The following ELMO3 variants were observed in gnomAD, a reference collection of about 807,000 sequenced individuals.
The protein encoded by ELMO3 is engulfment and cell motility 3, also known as engulfment and cell motility protein 3.
In ELMO3, 81 loss-of-function variants were observed where a neutral mutation model predicts 89.0. That is an observed-to-expected ratio of 0.91 (90% CI 0.76 to 1.09). ELMO3 has a LOEUF of 1.09. ELMO3 is among the 50% of genes least tolerant of loss of function. ELMO3 has a pLI of 0.00. For missense variants in ELMO3, 959 were observed against 972.8 expected (o/e 0.99, Z 0.19); for synonymous variants, 406 against 400.6 (o/e 1.01, Z -0.16).
At chr16:67,199,621 G>C in intron 2 of ELMO3, 28 bp downstream of exon 2, 1 of 1,608,132 alleles carries the variant, frequency 6.2e-7, no homozygotes, top group East Asian at 2.2e-5. Flanking sequence ...AGGGCCTGCG[G>C]AGGGCGGGAG....
In ELMO3 at chr16:67,203,982, T is replaced by TA; in HGVS notation, c.*108dup. The TA allele has an allele frequency of 9.4e-7, 1 of 1,063,528 alleles. No individual in the cohort carries two copies. The highest frequency in any genetic ancestry group is 1.3e-6 in the Non-Finnish European group (1 of 757,258). The allele number at this position is 1,063,528 out of a possible 1,614,324, so 65.9% of individuals were successfully genotyped here. On this transcript the variant is annotated 3_prime_UTR_variant, in exon 20 of 20. Coordinates refer to ENST00000393997, the MANE Select transcript of ELMO3 (RefSeq NM_024712.5). This position sits in a 1 kb window ranked among gnomAD's most constrained non-coding sequence, Gnocchi z 4.6. ...TGACCAGCAGAGATTGCTGCAGAAA[T>TA]AAAGTCTGCTTGGCTCTTGGGATAT...
In ELMO3 at chr16:67,200,431, C is replaced by T; in HGVS notation, c.414-20C>T. 6.2e-7 allele frequency: 1 copy of T among 1,611,622 alleles called. No homozygotes were observed. Among genetic ancestry groups the T allele is most frequent in the East Asian group, 2.2e-5 (1 of 44,796 alleles). On this transcript the variant is annotated intron_variant, in intron 5 of 19. Coordinates refer to ENST00000393997, the MANE Select transcript of ELMO3 (RefSeq NM_024712.5). ...TGGTCCTGGGGTGGTCCTGCTCAGC[C>T]CCAGATGTCCCCCCTCCAGCCTAGG...
In ELMO3 at chr16:67,200,680, C is replaced by A; in HGVS notation, c.537C>A (p.Asn179Lys). The change falls in exon 7 of 20, where the codon AAC becomes AAA. Residue 179 changes from asparagine to lysine, a missense_variant. Physicochemically the swap from Asn to Lys is moderately conservative, Grantham distance 94 (BLOSUM62 0). Transcript: ENST00000393997. Reference protein sequence around the residue: ...VRKVVCYVNMNLMDASVPPLA... With the variant: ...VRKVVCYVNMKLMDASVPPLA... ...AGGTGGTGTGCTACGTGAACATGAA[C>A]CTCATGGATGCCTCCGTGCCTCCCC... The A allele has an allele frequency of 6.2e-7, 1 of 1,613,326 alleles. No homozygotes were observed. The highest frequency in any genetic ancestry group is 8.5e-7 in the Non-Finnish European group (1 of 1,179,914).
At chr16:67,201,327 G>A in intron 8 of ELMO3, 58 bp from the exon 9 acceptor site, 2 of 1,609,420 alleles carry the variant, frequency 1.2e-6, no homozygotes, top group African/African-American at 1.3e-5. Context: ...AAAGTGCTGG[G>A]ATTACAGGCG....
chr16:67,200,215 G>C lies in ELMO3; in HGVS notation c.267G>C (p.Leu89Phe). 6.2e-7 allele frequency: 1 copy of C among 1,613,278 alleles called. No homozygotes were observed. The highest frequency in any genetic ancestry group is 8.5e-7 in the Non-Finnish European group (1 of 1,179,714). The change falls in exon 5 of 20, where the codon TTG (leucine) becomes TTC (phenylalanine). Residue 89 changes from leucine to phenylalanine, a missense_variant. Leu to Phe is a conservative substitution (Grantham distance 22, BLOSUM62 0). Coordinates refer to ENST00000393997, the MANE Select transcript of ELMO3 (RefSeq NM_024712.5). ...AGGACCTTGAGGCTGAGCAGCTCTTGGGTGGGCTGCAGAGTAACAGTCCTG... is the reference window on the plus strand; with the variant it reads ...AGGACCTTGAGGCTGAGCAGCTCTTCGGTGGGCTGCAGAGTAACAGTCCTG... ...TAPDLEAEQL[L>F]GGLQSNSPEG...
At position 67,200,807 on chromosome 16, in the gene ELMO3, G is replaced by A. The variant is rs1337934484; in HGVS notation, c.664G>A (p.Val222Met). 3 of 1,613,044 alleles carry A rather than the reference G, an allele frequency of 1.9e-6. No homozygotes were observed. Among genetic ancestry groups the A allele is most frequent in the Non-Finnish European group, 2.5e-6 (3 of 1,179,726 alleles). ...PLDRLLVHLQVMNQQLQTKAM... is the reference protein window; with the variant it reads ...PLDRLLVHLQMMNQQLQTKAM... ...GGATAGGCTGCTGGTGCACCTACAG[G>A]TGTAAGCCTCTGGGGCTGGGGTCCA... Residue 222 changes from valine to methionine, a missense_variant and splice_region_variant, in exon 7 of 20, where the codon GTG (valine) becomes ATG (methionine). Val to Met is a conservative substitution (Grantham distance 21, BLOSUM62 1). Transcript: ENST00000393997.
rs780987799 is a variant in ELMO3, at chr16:67,203,399, A to G, written c.1853A>G (p.Lys618Arg). 6.2e-7 allele frequency: 1 copy of G among 1,612,384 alleles called. No individual in the cohort carries two copies. Among genetic ancestry groups the G allele is most frequent in the Non-Finnish European group, 8.5e-7 (1 of 1,179,560 alleles). ...CATGTCCGGGAGAAGGGCTCCGGGA[A>G]GCAGAACAAGGTGAGTACAGCGGGC... The part of the protein sequence containing the change: ...CPHVREKGSG[K>R]QNKDLYELAF... The change falls in exon 18 of 20, where the codon AAG becomes AGG. Residue 618 changes from lysine (K) to arginine (R), a missense_variant. Physicochemically the swap from Lys to Arg is conservative, Grantham distance 26. Transcript: ENST00000393997. The surrounding 1 kb of genome is among the most constrained non-coding windows in gnomAD (Gnocchi z 4.6).
At position 67,200,951 on chromosome 16, in the gene ELMO3, A is replaced by G. The variant is rs1255571864; in HGVS notation, c.727A>G (p.Ser243Gly). ...GCTGACAGCCTTGCTGCAGGGGGCC[A>G]GCCCTGTGGAACGCAAGGTGAGTGT... ...ALLTALLQGA[S>G]PVERKHMLDY... is the part of the protein sequence containing the mutation. Residue 243 changes from serine (S) to glycine (G), a missense_variant, in exon 8 of 20, where the codon AGC becomes GGC. Ser to Gly is a moderately conservative substitution (Grantham distance 56). Coordinates refer to ENST00000393997, the MANE Select transcript of ELMO3 (RefSeq NM_024712.5). 1.2e-6 allele frequency: 2 copies of G among 1,607,722 alleles called. No individual in the cohort carries two copies. The highest frequency in any genetic ancestry group is 1.7e-6 in the Non-Finnish European group (2 of 1,178,344).
intron 12 of ELMO3, 33 bp downstream of exon 12, chr16:67,202,111 C>A (rs760503320): frequency 6.2e-7 from 1 of 1,610,278 alleles, no homozygotes; most frequent in Non-Finnish European, 8.5e-7. Context: ...GGGGTGGCAG[C>A]ATCCCCCAGG....
In ELMO3 at chr16:67,200,939, C is replaced by A. The variant is rs957078837; in HGVS notation, c.715C>A (p.Leu239Met). 1.7e-5 allele frequency: 27 copies of A among 1,612,220 alleles called. No individual in the cohort carries two copies. Among genetic ancestry groups the A allele is most frequent in the Non-Finnish European group, 2.2e-5 (26 of 1,179,486 alleles). Residue 239 changes from leucine (L) to methionine (M), a missense_variant, in exon 8 of 20, where the codon CTG (leucine) becomes ATG (methionine). Leu to Met is a conservative substitution (Grantham distance 15). Transcript: ENST00000393997. ...TKAMALLTALLQGASPVERKH... is the reference protein window; with the variant it reads ...TKAMALLTALMQGASPVERKH... ...GGCCATGGCCCTGCTGACAGCCTTG[C>A]TGCAGGGGGCCAGCCCTGTGGAACG... is the stretch of plus-strand genomic sequence containing the variant.
rs2033185889 is a variant in ELMO3 at position 67,203,825 on chromosome 16, C to T, written c.2111C>T (p.Pro704Leu). 6.2e-7 allele frequency: 1 copy of T among 1,605,416 alleles called. No homozygotes were observed. Among genetic ancestry groups the T allele is most frequent in the Non-Finnish European group, 8.5e-7 (1 of 1,175,716 alleles). ...CCCGAGCGGCCACCCCCTGTGCCCCCACCCCCCACCAACTTCAACTTCTGC... is the reference window on the plus strand; with the variant it reads ...CCCGAGCGGCCACCCCCTGTGCCCCTACCCCCCACCAACTTCAACTTCTGC... ...PIPERPPPVP[P>L]PPTNFNFCYD... The change falls in exon 20 of 20, where the codon CCA (proline) becomes CTA (leucine). Residue 704 changes from proline to leucine, a missense_variant. Coordinates refer to ENST00000393997, the MANE Select transcript of ELMO3 (RefSeq NM_024712.5). This position sits in a 1 kb window ranked among gnomAD's most constrained non-coding sequence, Gnocchi z 4.6.
chr16:67,202,654 G>C lies in ELMO3; in HGVS notation c.1426G>C (p.Ala476Pro). 6.2e-7 allele frequency: 1 copy of C among 1,613,594 alleles called. No homozygotes were observed. Among genetic ancestry groups the C allele is most frequent in the Non-Finnish European group, 8.5e-7 (1 of 1,179,978 alleles). ...CATGCAGGTGGTGCGGGAGCAGCTG[G>C]CCCGCACTCTGGCCCTGAAGCCCAC... is the stretch of plus-strand genomic sequence containing the variant. ...KVMQVVREQL[A>P]RTLALKPTSL... The change falls in exon 15 of 20, where the codon GCC (alanine) becomes CCC (proline). Residue 476 changes from alanine to proline, a missense_variant. By Grantham distance (27) the Ala-to-Pro change is conservative. Transcript: ENST00000393997.
Position 67,199,735 on chromosome 16 carries a change from C to T in ELMO3, c.171C>T (p.His57=). 1 of 1,611,366 alleles carries T rather than the reference C, an allele frequency of 6.2e-7. No homozygotes were observed. Among genetic ancestry groups the T allele is most frequent in the South Asian group, 1.1e-5 (1 of 90,938 alleles). Residue 57 remains histidine (H), a synonymous_variant, in exon 3 of 20, where the codon CAC becomes CAT. Transcript: ENST00000393997. ...ACGCCCTGCAGTTTGCGGATGGGCA[C>T]CGGAGATACATCACCGAGAATGTGA... ...ERYALQFADG[H]RRYITENNRA...
Position 67,199,719 on chromosome 16 carries a change from A to G in ELMO3, c.155A>G (p.Gln52Arg), listed in dbSNP as rs1232965200. Residue 52 changes from glutamine to arginine, a missense_variant, in exon 3 of 20, where the codon CAG becomes CGG. Gln to Arg is a conservative substitution (Grantham distance 43). Coordinates refer to ENST00000393997, the MANE Select transcript of ELMO3 (RefSeq NM_024712.5). ...ACGCACTCTGAGCGTTACGCCCTGC[A>G]GTTTGCGGATGGGCACCGGAGATAC... ...SLTHSERYAL[Q>R]FADGHRRYIT... is the part of the protein sequence containing the mutation. The G allele has an allele frequency of 2.5e-6, 4 of 1,610,992 alleles. No homozygotes were observed. In the African/African-American group the frequency reaches 5.3e-5, roughly 22 times the overall value.
In ELMO3 at chr16:67,201,555, G is replaced by A. The variant is rs151223840; in HGVS notation, c.831G>A (p.Glu277=). The A allele has an allele frequency of 1.2e-3, 1,929 of 1,614,090 alleles. 28 individuals are homozygous for A. In the African/African-American group the frequency reaches 0.022, roughly 19 times the overall value. ...ACAGTGCAGCACCAATGGGCGACGAGATGGCTCATCACCTGTACGTACTGC... is the reference window on the plus strand; with the variant it reads ...ACAGTGCAGCACCAATGGGCGACGAAATGGCTCATCACCTGTACGTACTGC... The part of the protein sequence containing the change: ...IIHSAAPMGD[E]MAHHLYVLQA... The change falls in exon 10 of 20, where the codon GAG becomes GAA. Residue 277 remains glutamate (E), a synonymous_variant. Coordinates refer to ENST00000393997, the MANE Select transcript of ELMO3 (RefSeq NM_024712.5).
At chr16:67,200,389 G>GA (rs778745882) in intron 5 of ELMO3, 28 bp downstream of exon 5, 27 of 1,612,184 alleles carry the variant, frequency 1.7e-5, no homozygotes, top group Non-Finnish European at 1.7e-6. Context: ...TGGGCTGGGG[G>GA]AGATGGTGGG....
chr16:67,199,848 A>AG lies in ELMO3; in HGVS notation c.192+93dup, dbSNP rs2033057230. 6 of 1,604,676 alleles carry AG rather than the reference A, an allele frequency of 3.7e-6. No individual in the cohort carries two copies. The East Asian group carries it at 1.3e-4, about 36-fold the overall frequency. ...CTCTGGCTCTTCATCCCACTACCGG[A>AG]GCGCGATCTGTTATTCACCCCCAGC... On this transcript the variant is annotated intron_variant, in intron 3 of 19. Coordinates refer to ENST00000393997, the MANE Select transcript of ELMO3 (RefSeq NM_024712.5).
rs1199588945 is a variant in ELMO3 at position 67,200,735 on chromosome 16, T to C, written c.592T>C (p.Leu198=). 1.2e-6 allele frequency: 2 copies of C among 1,613,462 alleles called. No individual in the cohort carries two copies. Among genetic ancestry groups the C allele is most frequent in the Non-Finnish European group, 1.7e-6 (2 of 1,179,994 alleles). ...LALGLLESVT[L]SSPALGQLVK... ...CCTTGGGCTGCTGGAGAGTGTGACC[T>C]TGAGCAGCCCAGCCCTGGGCCAGCT... Residue 198 remains leucine, a synonymous_variant, in exon 7 of 20, where the codon TTG becomes CTG. Coordinates refer to ENST00000393997, the MANE Select transcript of ELMO3 (RefSeq NM_024712.5).
In ELMO3 at chr16:67,202,067, G is replaced by C. The variant is rs555214160; in HGVS notation, c.1141G>C (p.Ala381Pro). ...GTACTTCTCCAGAAACGCGCCCAGC[G>C]CGTACAGCCGGGTCGGTGACAGGGT... ...MLYFSRNAPS[A>P]YSRFVLENSS... is the part of the protein sequence containing the mutation. Residue 381 changes from alanine to proline, a missense_variant, in exon 12 of 20, where the codon GCG becomes CCG. Ala to Pro is a conservative substitution (Grantham distance 27). Coordinates refer to ENST00000393997, the MANE Select transcript of ELMO3 (RefSeq NM_024712.5). 1 of 1,613,154 alleles carries C rather than the reference G, an allele frequency of 6.2e-7. No individual in the cohort carries two copies. Among genetic ancestry groups the C allele is most frequent in the South Asian group, 1.1e-5 (1 of 91,082 alleles).
Sources: gnomAD v4.1 joint callset for allele counts on GRCh38, gnomAD v4.1.1 for gene constraint, Gnocchi (gnomAD v3.1) non-coding constraint, MANE v1.5 for transcripts, NCBI Gene and HGNC (gene_info 2026-07-23, HGNC 2026-07-21) for gene names.